Variants in CPAMD8 observed in about 807,000 individuals in gnomAD.
CPAMD8 encodes C3 and PZP like alpha-2-macroglobulin domain containing 8.
A neutral mutation model predicts 224.7 loss-of-function variants in CPAMD8; 146 were observed. That is an observed-to-expected ratio of 0.65 (90% CI 0.57 to 0.75). CPAMD8 has a LOEUF of 0.75. Among genes scored for constraint, CPAMD8 ranks in the 30% least tolerant of loss-of-function variants. The pLI, the probability that CPAMD8 is intolerant of heterozygous loss-of-function variation, is 0.00. For synonymous variants in CPAMD8, 966 were observed against 1,044.6 expected, an observed-to-expected ratio of 0.92 and a Z score of 1.45; for missense variants, 2,301 against 2,537.5, an observed-to-expected ratio of 0.91 and a Z score of 2.00.
chr19:16,965,654 C>A (rs1292381392), intron 18 of CPAMD8, among the ~76,000 whole-genome samples: 2 of 152,148 alleles, frequency 1.3e-5, no homozygotes, highest in African/African-American at 4.8e-5. Context: ...TCTCAGGATA[C>A]AAAATCAATG....
chr19:17,005,133 G>A (rs1238592392), intron 7 of CPAMD8, among the ~76,000 whole-genome samples: 2 of 140,978 alleles, frequency 1.4e-5, no homozygotes, highest in Non-Finnish European at 3.1e-5. Context: ...ACTCACCAAA[G>A]GTCAGTAGTA....
At chr19:17,021,307 C>A (rs2056949950) in intron 2 of CPAMD8, among the ~76,000 whole-genome samples, 1 of 152,138 alleles carries the variant, frequency 6.6e-6, no homozygotes, top group East Asian at 1.9e-4. Flanking sequence ...GCTAGCCACC[C>A]AAGTCAGGAG....
intron 23 of CPAMD8, among the ~76,000 whole-genome samples, chr19:16,933,751 G>A (rs2144998435): frequency 6.6e-6 from 1 of 152,296 alleles, no homozygotes; most frequent in East Asian, 1.9e-4. Context: ...AATACAAAAT[G>A]GCCTGAGCAC....
chr19:16,989,012 T>C (rs1034450865), intron 13 of CPAMD8, among the ~76,000 whole-genome samples: 1 of 152,122 alleles, frequency 6.6e-6, no homozygotes, highest in African/African-American at 2.4e-5. Flanking sequence ...TGCCTGATGA[T>C]CTGTCACTGT....
chr19:16,942,137 G>C (rs1319104439), intron 22 of CPAMD8, among the ~76,000 whole-genome samples: 1 of 152,030 alleles, frequency 6.6e-6, no homozygotes, highest in Non-Finnish European at 1.5e-5. Flanking sequence ...CTACAGAGCT[G>C]TGAGCCAATT....
chr19:16,991,084 T>C (rs1351426847), intron 12 of CPAMD8, among the ~76,000 whole-genome samples: 1 of 141,532 alleles, frequency 7.1e-6, no homozygotes, highest in Non-Finnish European at 1.6e-5. Flanking sequence ...TAATCAATCA[T>C]GCAGACGAAA....
chr19:16,907,050 G>A lies in CPAMD8; in HGVS notation c.3929C>T (p.Pro1310Leu). 6.2e-7 allele frequency: 1 copy of A among 1,607,948 alleles called. No homozygotes were observed. The change falls in exon 30 of 42, where the codon CCT becomes CTT. Residue 1310 changes from proline (P) to leucine (L), a missense_variant. This residue lies in a region of CPAMD8 where 1,709 missense variants were observed against 1,753.2 expected (regional missense o/e 0.97). Coordinates refer to ENST00000443236, the MANE Select transcript of CPAMD8 (RefSeq NM_015692.5). The part of the protein sequence containing the change: ...LESAAPLAMD[P>L]YSCALTTYAL... ...GTAGGTAGTCAGGGCACAGCTATAA[G>A]GGTCCATGGCCAGGGGCGCAGCAGA...
At chr19:16,947,026 T>C in intron 21 of CPAMD8, 48 bp downstream of exon 21, 1 of 1,540,644 alleles carries the variant, frequency 6.5e-7, no homozygotes, top group Non-Finnish European at 8.8e-7. Flanking sequence ...CCAGGACACT[T>C]TTGTGGCCTG....
At position 16,930,037 on chromosome 19, in the gene CPAMD8, C is replaced by T. The variant is rs368663517; in HGVS notation, c.2846-797G>A. Among the ~76,000 whole-genome samples, 10 of 152,142 alleles carry T rather than the reference C, an allele frequency of 6.6e-5. No individual in the cohort carries two copies. In the East Asian group the frequency reaches 1.9e-3, roughly 30 times the overall value. On this transcript the variant is annotated intron_variant, in intron 23 of 41. Transcript: ENST00000443236. Reference sequence around the variant, plus strand: ...TGGGAGGCTGAGGCAGGTGGACCACCTGAGATCAGGAGTTTGAGACCAACC... The same window carrying T: ...TGGGAGGCTGAGGCAGGTGGACCACTTGAGATCAGGAGTTTGAGACCAACC...
At chr19:16,919,878 G>C (rs566148878) in intron 27 of CPAMD8, among the ~76,000 whole-genome samples, 1 of 152,202 alleles carries the variant, frequency 6.6e-6, no homozygotes, top group Non-Finnish European at 1.5e-5. Flanking sequence ...GTTAGGGGAG[G>C]TGCTAACAGG....
rs2056267800 is a variant in CPAMD8, at chr19:17,000,279, T to A, written c.867+135A>T. Reference sequence around the variant, plus strand: ...GACAAGCCTGGGCAACATAGTGAGATCCTGTCTCTATTCAAAAACTTTTTA... The same window carrying A: ...GACAAGCCTGGGCAACATAGTGAGAACCTGTCTCTATTCAAAAACTTTTTA... On this transcript the variant is annotated intron_variant, in intron 10 of 41. Coordinates refer to ENST00000443236, the MANE Select transcript of CPAMD8 (RefSeq NM_015692.5). 5.1e-6 allele frequency: 3 copies of A among 583,742 alleles called. No individual in the cohort carries two copies. In the Admixed American group the frequency reaches 8.6e-5, roughly 17 times the overall value. 36.2% of individuals were successfully genotyped at this position (583,742 alleles called of 1,614,324 possible).
At chr19:16,998,615 G>A (rs76961229) in intron 10 of CPAMD8, among the ~76,000 whole-genome samples, 8,723 of 152,186 alleles carry the variant, frequency 0.057, 285 homozygotes, top group African/African-American at 0.088. Context: ...CTTAATGTCC[G>A]GGCACCTACA....
intron 39 of CPAMD8, 177 bp downstream of exon 39, chr19:16,897,514 C>G (rs2052066986): frequency 1.8e-6 from 1 of 565,688 alleles, no homozygotes; most frequent in African/African-American, 2.0e-5. Flanking sequence ...GACCGCTCCT[C>G]CAGCCCCGCC....
chr19:16,955,097 C>T (rs1172708365), intron 19 of CPAMD8, among the ~76,000 whole-genome samples: 2 of 152,186 alleles, frequency 1.3e-5, no homozygotes, highest in Non-Finnish European at 2.9e-5. Context: ...CACTGCACTC[C>T]AGCCTGGGCA....
At chr19:16,977,907 C>T (rs2055340442) in intron 14 of CPAMD8, among the ~76,000 whole-genome samples, 1 of 152,200 alleles carries the variant, frequency 6.6e-6, no homozygotes, top group Non-Finnish European at 1.5e-5. Context: ...ATGCCCCTGA[C>T]CTCCAGTCCC....
In CPAMD8 at chr19:16,921,981, G is replaced by A; in HGVS notation, c.3553C>T (p.Gln1185Ter). 2 of 1,547,260 alleles carry A rather than the reference G, an allele frequency of 1.3e-6. No individual in the cohort carries two copies. Residue 1185 changes from glutamine (Q) to a stop codon, truncating the protein, a stop_gained, in exon 27 of 42, where the codon CAG (glutamine) becomes TAG (stop). Transcript: ENST00000443236. LOFTEE classifies it high-confidence loss of function. Reference protein sequence around the residue: ...ETTDYLVQGYQRQLTYKRQDG... With the variant: ...ETTDYLVQGY ...TGGCGCTTGTAGGTCAGCTGGCGCT[G>A]GTAGCCTGTGGGGCAAGCAGAGAGG... is the stretch of plus-strand genomic sequence containing the variant.
At chr19:16,896,778 T>C in intron 39 of CPAMD8, 113 bp from the exon 40 acceptor site, 1 of 702,628 alleles carries the variant, frequency 1.4e-6, no homozygotes, top group Non-Finnish European at 2.1e-6. Context: ...ACCCCCTCGG[T>C]GGGTCTTGGG....
chr19:17,017,734 A>G (rs1176958375), intron 3 of CPAMD8, among the ~76,000 whole-genome samples: 1 of 152,214 alleles, frequency 6.6e-6, no homozygotes, highest in Non-Finnish European at 1.5e-5. Context: ...TTCTATCATC[A>G]AATGTAATGG....
At chr19:16,952,992 A>G (rs964115822) in intron 19 of CPAMD8, among the ~76,000 whole-genome samples, 1 of 152,178 alleles carries the variant, frequency 6.6e-6, no homozygotes, top group Non-Finnish European at 1.5e-5. Context: ...ACCATATTCA[A>G]ATCAATGTGT....
Sources: gnomAD v4.1 joint callset for allele counts (sites outside exome capture counted in the v4.1 genomes callset) on GRCh38, gnomAD v4.1.1 for gene constraint, gnomAD v4.1.1 regional missense constraint, MANE v1.5 for transcripts, NCBI Gene and HGNC (gene_info 2026-07-23, HGNC 2026-07-21) for gene names.